The following GPHN variants were observed in gnomAD, a reference collection of about 807,000 sequenced individuals.
The protein encoded by GPHN is gephyrin.
GPHN carries 17 observed loss-of-function variants against 95.5 expected under a neutral mutation model. That is an observed-to-expected ratio of 0.18 (90% CI 0.12 to 0.27). GPHN has a LOEUF of 0.27. GPHN is among the 10% of genes least tolerant of loss of function. The pLI, the probability that GPHN is intolerant of heterozygous loss-of-function variation, is 1.00. For synonymous variants in GPHN, 320 were observed against 322.5 expected, an observed-to-expected ratio of 0.99 and a Z score of 0.08; for missense variants, 660 against 978.1, an observed-to-expected ratio of 0.67 and a Z score of 4.34.
chr14:67,116,667 G>A (rs575420528), intron 16 of GPHN, among the ~76,000 whole-genome samples: 1 of 152,290 alleles, frequency 6.6e-6, no homozygotes, highest in South Asian at 2.1e-4. Flanking sequence ...ACAGGCTTAT[G>A]CTACCATAGC....
chr14:67,692,304 T>C, the GPHN span: 7 of 852,280 alleles, frequency 8.2e-6, no homozygotes, highest in Non-Finnish European at 1.1e-5. Context: ...CCAGTGACTA[T>C]GAGTTCAGCT....
intron 1 of GPHN, among the ~76,000 whole-genome samples, chr14:66,635,791 C>T (rs1001237195): frequency 2.0e-5 from 3 of 152,036 alleles, no homozygotes; most frequent in Non-Finnish European, 4.4e-5. Context: ...TAGGGAAACA[C>T]TCAAAGAAAA....
intron 21 of GPHN, among the ~76,000 whole-genome samples, chr14:67,177,054 G>C (rs1013313878): frequency 1.3e-5 from 2 of 152,070 alleles, no homozygotes; most frequent in Non-Finnish European, 2.9e-5. Context: ...TTTTTTTGAA[G>C]GGTTTTTTGT....
chr14:67,689,366 T>C, the GPHN span, among the ~76,000 whole-genome samples: 1 of 152,218 alleles, frequency 6.6e-6, no homozygotes, highest in Non-Finnish European at 1.5e-5. Context: ...TTATTAGAAA[T>C]CCAGAGTAGA....
intron 9 of GPHN, among the ~76,000 whole-genome samples, chr14:66,966,469 C>T (rs2069334998): frequency 6.6e-6 from 1 of 151,938 alleles, no homozygotes. Context: ...ACTATAAGAA[C>T]ATTGTAGACA....
At chr14:67,302,001 T>A in the GPHN span, 3 of 1,607,394 alleles carry the variant, frequency 1.9e-6, no homozygotes, top group Non-Finnish European at 2.5e-6. Context: ...ATAAGGTTGC[T>A]GAGCAGGAAA....
At chr14:66,637,271 C>A (rs1423074483) in intron 1 of GPHN, among the ~76,000 whole-genome samples, 2 of 152,092 alleles carry the variant, frequency 1.3e-5, no homozygotes, top group Non-Finnish European at 2.9e-5. Context: ...GGATAAAATA[C>A]AAAATCTTTG....
intron 11 of GPHN, among the ~76,000 whole-genome samples, chr14:67,059,461 T>C (rs1023365372): frequency 1.3e-5 from 2 of 152,178 alleles, no homozygotes. Context: ...GAATAAAATA[T>C]AGTTTCTTAA....
chr14:67,465,632 G>A, the GPHN span, among the ~76,000 whole-genome samples: 2 of 152,214 alleles, frequency 1.3e-5, no homozygotes, highest in African/African-American at 4.8e-5. Flanking sequence ...ATTCCTAAGT[G>A]GGTACAAAAT....
chr14:67,342,217 A>AT, the GPHN span, among the ~76,000 whole-genome samples: 98 of 116,108 alleles, frequency 8.4e-4, no homozygotes, highest in African/African-American at 3.9e-3. Flanking sequence ...AATAAATAAA[A>AT]TAAAATAAAA....
chr14:66,600,147 AT>A (rs751223159), intron 1 of GPHN, among the ~76,000 whole-genome samples: 10 of 151,966 alleles, frequency 6.6e-5, no homozygotes, highest in Non-Finnish European at 1.3e-4. Flanking sequence ...AGTGTGTTTG[AT>A]TTGTACAGTT....
chr14:66,789,412 A>G (rs1263639056), intron 3 of GPHN, among the ~76,000 whole-genome samples: 4 of 152,344 alleles, frequency 2.6e-5, no homozygotes, highest in South Asian at 4.1e-4. Flanking sequence ...GCTCTTTCCT[A>G]TGTAAACATC....
chr14:67,508,761 A>AAAAAAAAAAAAAAAAAC, the GPHN span, among the ~76,000 whole-genome samples: 6 of 149,624 alleles, frequency 4.0e-5, no homozygotes, highest in African/African-American at 1.5e-4. Context: ...CTCAAAAAAA[A>AAAAAAAAAAAAAAAAAC]AAAAAAAAAA....
At chr14:67,609,005 T>G in the GPHN span, among the ~76,000 whole-genome samples, 38 of 152,332 alleles carry the variant, frequency 2.5e-4, no homozygotes, top group South Asian at 1.7e-3. Flanking sequence ...CTACAGAACT[T>G]GTCAACAACT....
intron 2 of GPHN, among the ~76,000 whole-genome samples, chr14:66,709,794 C>CA (rs1166315486): frequency 6.6e-6 from 1 of 151,634 alleles, no homozygotes; most frequent in Non-Finnish European, 1.5e-5. Context: ...GATATACATC[C>CA]AAAAAAAGGA....
chr14:66,617,706 A>C (rs988767233), intron 1 of GPHN, among the ~76,000 whole-genome samples: 5 of 152,078 alleles, frequency 3.3e-5, no homozygotes, highest in Non-Finnish European at 5.9e-5. Flanking sequence ...GGTCGCTGAG[A>C]GTTTTTTTTC....
the GPHN span, among the ~76,000 whole-genome samples, chr14:67,477,705 G>T: frequency 6.6e-6 from 1 of 152,146 alleles, no homozygotes; most frequent in African/African-American, 2.4e-5. Flanking sequence ...CAGAAGGATC[G>T]CTCGAGCCCA....
At chr14:67,263,796 T>G in the GPHN span, among the ~76,000 whole-genome samples, 30 of 152,364 alleles carry the variant, frequency 2.0e-4, no homozygotes, top group South Asian at 1.0e-3. Flanking sequence ...GTAGTGTTGC[T>G]GCTTTTACTT....
At chr14:66,853,936 C>T (rs902845767) in intron 4 of GPHN, among the ~76,000 whole-genome samples, 1 of 152,046 alleles carries the variant, frequency 6.6e-6, no homozygotes, top group Non-Finnish European at 1.5e-5. Flanking sequence ...TCTATTTTGC[C>T]GTTAGTTTAT....
Sources: gnomAD v4.1 joint callset for allele counts (sites outside exome capture counted in the v4.1 genomes callset) on GRCh38, gnomAD v4.1.1 for gene constraint, MANE v1.5 for transcripts, NCBI Gene and HGNC (gene_info 2026-07-23, HGNC 2026-07-21) for gene names.